The following SLC24A2 variants were observed in gnomAD, a reference collection of about 807,000 sequenced individuals.
SLC24A2 encodes sodium/potassium/calcium exchanger 2.
SLC24A2 carries 36 observed loss-of-function variants against 62.0 expected under a neutral mutation model. The observed-to-expected ratio is 0.58, with a 90% CI of 0.44 to 0.77. The LOEUF (loss-of-function observed/expected upper bound fraction) is 0.77, where lower values mean the gene tolerates loss of function less well. Among genes scored for constraint, SLC24A2 ranks in the 30% least tolerant of loss-of-function variants. The probability of loss-of-function intolerance (pLI) is 0.00; values close to 1 mark genes in which losing one functional copy is unlikely to be tolerated. For synonymous variants in SLC24A2, 358 were observed against 294.0 expected (o/e 1.22, Z -2.23); for missense variants, 846 against 817.9 (o/e 1.03, Z -0.42).
the SLC24A2 span, among the ~76,000 whole-genome samples, chr9:20,151,802 T>A: frequency 1.3e-5 from 2 of 151,750 alleles, no homozygotes; most frequent in African/African-American, 4.8e-5. Flanking sequence ...AAAGGAACTC[T>A]CCCACTCAGT....
chr9:20,061,098 A>C, the SLC24A2 span, among the ~76,000 whole-genome samples: 91 of 152,298 alleles, frequency 6.0e-4, 1 homozygote, highest in East Asian at 0.016. Context: ...GGATTATAAA[A>C]ATTGACAAGA....
chr9:20,228,623 G>C, the SLC24A2 span, among the ~76,000 whole-genome samples: 327 of 152,232 alleles, frequency 2.1e-3, 2 homozygotes, highest in African/African-American at 7.7e-3. Flanking sequence ...CCCTAAGAGA[G>C]AAGAAGGGTG....
chr9:20,287,895 G>A, the SLC24A2 span, among the ~76,000 whole-genome samples: 2 of 152,174 alleles, frequency 1.3e-5, no homozygotes, highest in Admixed American at 1.3e-4. Flanking sequence ...TCTGTTAAAT[G>A]CACATATGAA....
the SLC24A2 span, among the ~76,000 whole-genome samples, chr9:19,848,101 C>G: frequency 6.6e-6 from 1 of 152,190 alleles, no homozygotes; most frequent in Admixed American, 6.5e-5. Context: ...ATTATTTTAA[C>G]TATTCTGAAC....
chr9:19,507,621 C>T lies in SLC24A2; in HGVS notation c.*8532G>A, dbSNP rs879731011. Reference sequence around the variant, plus strand: ...GAATGAAGTCCATGTGACAGAAGTACATACTTCAGACAGCCTATGTACAAA... The same window carrying T: ...GAATGAAGTCCATGTGACAGAAGTATATACTTCAGACAGCCTATGTACAAA... On this transcript the variant is annotated 3_prime_UTR_variant, in exon 11 of 11. Transcript: ENST00000341998. 3.3e-5 allele frequency: 5 copies of T among 152,204 alleles called. No homozygotes were observed. The highest frequency in any genetic ancestry group is 5.9e-5 in the Non-Finnish European group (4 of 68,030). 9.4% of individuals were successfully genotyped at this position (152,204 alleles called of 1,614,324 possible).
At chr9:19,753,028 A>C (rs928222889) in intron 2 of SLC24A2, among the ~76,000 whole-genome samples, 3 of 152,204 alleles carry the variant, frequency 2.0e-5, no homozygotes, top group African/African-American at 2.4e-5. Context: ...ATTTCAAAGG[A>C]GGTCCCTGAT....
chr9:20,106,900 A>AGTCAAATT, the SLC24A2 span, among the ~76,000 whole-genome samples: 2 of 152,190 alleles, frequency 1.3e-5, no homozygotes, highest in African/African-American at 4.8e-5. Context: ...GAAAAGAGGA[A>AGTCAAATT]GTCAAATTGT....
rs185520481 is a variant in SLC24A2 at position 19,659,892 on chromosome 9, A to G, written c.931-37593T>C. On this transcript the variant is annotated intron_variant, in intron 2 of 10. Transcript: ENST00000341998. ...ACCATCAGAAGAGCAGCTGGGCAAGAGCTCAGGTGCTGACCTCTATTACCA... is the reference window on the plus strand; with the variant it reads ...ACCATCAGAAGAGCAGCTGGGCAAGGGCTCAGGTGCTGACCTCTATTACCA... Among the ~76,000 whole-genome samples, 70 of 152,298 alleles carry G rather than the reference A, an allele frequency of 4.6e-4. 1 individual carries two copies. The highest frequency in any genetic ancestry group is 1.6e-3 in the African/African-American group (66 of 41,578).
the SLC24A2 span, among the ~76,000 whole-genome samples, chr9:20,242,933 G>A: frequency 6.6e-6 from 1 of 152,158 alleles, no homozygotes; most frequent in East Asian, 1.9e-4. Context: ...GGGATGGGTG[G>A]TGGTTAAATA....
chr9:20,241,868 A>C, the SLC24A2 span, among the ~76,000 whole-genome samples: 641 of 152,304 alleles, frequency 4.2e-3, 4 homozygotes, highest in African/African-American at 0.014. Flanking sequence ...TCTAAAAAAC[A>C]TGGCTGCAAC....
chr9:20,214,629 T>A, the SLC24A2 span, among the ~76,000 whole-genome samples: 3 of 150,118 alleles, frequency 2.0e-5, no homozygotes, highest in African/African-American at 2.5e-5. Context: ...AAATAAAAAA[T>A]AAAAAAAAAA....
chr9:20,182,264 A>C, the SLC24A2 span, among the ~76,000 whole-genome samples: 1 of 152,210 alleles, frequency 6.6e-6, no homozygotes, highest in Non-Finnish European at 1.5e-5. Context: ...ATACCATTTG[A>C]CCCAGCCATC....
chr9:19,541,968 T>C (rs976690150), intron 8 of SLC24A2, among the ~76,000 whole-genome samples: 9 of 152,328 alleles, frequency 5.9e-5, no homozygotes, highest in Admixed American at 2.0e-4. Context: ...GACCCGATTT[T>C]CCAGGTGCCG....
the SLC24A2 span, among the ~76,000 whole-genome samples, chr9:20,097,020 C>T: frequency 6.6e-6 from 1 of 152,164 alleles, no homozygotes; most frequent in African/African-American, 2.4e-5. Context: ...TCTCTTTTCC[C>T]TACAACCTGA....
chr9:19,894,551 A>T, the SLC24A2 span, among the ~76,000 whole-genome samples: 1 of 152,176 alleles, frequency 6.6e-6, no homozygotes, highest in African/African-American at 2.4e-5. Context: ...TTTTACAGGT[A>T]TTCAACAAAT....
the SLC24A2 span, chr9:19,958,267 C>T: frequency 6.6e-6 from 1 of 152,222 alleles, no homozygotes; most frequent in African/African-American, 2.4e-5. Context: ...AACTAGGATC[C>T]AGGTGATTTA....
At chr9:19,551,378 C>T (rs1834838062) in intron 7 of SLC24A2, among the ~76,000 whole-genome samples, 1 of 152,196 alleles carries the variant, frequency 6.6e-6, no homozygotes, top group Non-Finnish European at 1.5e-5. Flanking sequence ...TCAGTAGCTT[C>T]TGAAGTCAGG....
intron 2 of SLC24A2, among the ~76,000 whole-genome samples, chr9:19,760,488 G>C (rs916006332): frequency 1.3e-5 from 2 of 151,928 alleles, no homozygotes; most frequent in Non-Finnish European, 2.9e-5. Flanking sequence ...ATCTACATTA[G>C]GTATTTCTCC....
chr9:19,714,711 T>A (rs936159718), intron 2 of SLC24A2, among the ~76,000 whole-genome samples: 1 of 152,160 alleles, frequency 6.6e-6, no homozygotes, highest in Non-Finnish European at 1.5e-5. Flanking sequence ...GTCATTACAG[T>A]GAAACAAATT....
Sources: gnomAD v4.1 joint callset for allele counts (sites outside exome capture counted in the v4.1 genomes callset) on GRCh38, gnomAD v4.1.1 for gene constraint, MANE v1.5 for transcripts, NCBI Gene and HGNC (gene_info 2026-07-23, HGNC 2026-07-21) for gene names.